Variants in PLPPR1 observed in about 807,000 individuals in gnomAD.
PLPPR1 encodes the protein phospholipid phosphatase-related protein type 1.
A neutral mutation model predicts 33.1 loss-of-function variants in PLPPR1; 10 were observed. The observed-to-expected ratio is 0.30, with a 90% CI of 0.19 to 0.51. The LOEUF is 0.51. Among genes scored for constraint, PLPPR1 ranks in the 20% least tolerant of loss-of-function variants. The pLI, the probability that PLPPR1 is intolerant of heterozygous loss-of-function variation, is 0.97. For synonymous variants in PLPPR1, 151 were observed against 151.0 expected (o/e 1.00, Z 0.00); for missense variants, 304 against 408.1 (o/e 0.74, Z 2.20).
chr9:101,065,650 T>C (rs1830403236), intron 1 of PLPPR1, among the ~76,000 whole-genome samples: 1 of 152,080 alleles, frequency 6.6e-6, no homozygotes, highest in South Asian at 2.1e-4. Context: ...GTGGATAATT[T>C]GTGTTAGAGA....
intron 1 of PLPPR1, among the ~76,000 whole-genome samples, chr9:101,081,130 T>C (rs1313563023): frequency 6.6e-6 from 1 of 152,218 alleles, no homozygotes; most frequent in Non-Finnish European, 1.5e-5. Context: ...CCCATTTTCC[T>C]TTGTGAGTTC....
chr9:101,251,026 C>T (rs1827704312), intron 2 of PLPPR1, among the ~76,000 whole-genome samples: 1 of 152,040 alleles, frequency 6.6e-6, no homozygotes, highest in Non-Finnish European at 1.5e-5. Context: ...GATGACCCCC[C>T]AAATTGTGTC....
chr9:101,073,301 G>A (rs1264504227), intron 1 of PLPPR1, among the ~76,000 whole-genome samples: 1 of 152,144 alleles, frequency 6.6e-6, no homozygotes, highest in African/African-American at 2.4e-5. Context: ...GCTGTGCACA[G>A]CATGTGTTTT....
At chr9:101,236,604 T>C (rs1465117342) in intron 2 of PLPPR1, among the ~76,000 whole-genome samples, 1 of 151,168 alleles carries the variant, frequency 6.6e-6, no homozygotes, top group Non-Finnish European at 1.5e-5. Flanking sequence ...AATGACCATC[T>C]TTTTTTTCCT....
At chr9:101,176,748 G>A (rs539417360) in intron 1 of PLPPR1, among the ~76,000 whole-genome samples, 1 of 152,158 alleles carries the variant, frequency 6.6e-6, no homozygotes, top group Non-Finnish European at 1.5e-5. Context: ...AGCGTCAGGG[G>A]AGTTACAGTA....
intron 2 of PLPPR1, among the ~76,000 whole-genome samples, chr9:101,265,236 T>A (rs7047759): frequency 0.35 from 53,181 of 152,106 alleles, 9,383 homozygotes; most frequent in Admixed American, 0.39. Flanking sequence ...TGAAGCCTCG[T>A]GGAATGATCA....
At chr9:101,197,627 A>T (rs2118740772) in intron 2 of PLPPR1, among the ~76,000 whole-genome samples, 1 of 152,326 alleles carries the variant, frequency 6.6e-6, no homozygotes, top group Non-Finnish European at 1.5e-5. Flanking sequence ...GTGCCTATCA[A>T]GTGTATGCCT....
chr9:101,245,698 C>T (rs1243725855), intron 2 of PLPPR1, among the ~76,000 whole-genome samples: 2 of 151,798 alleles, frequency 1.3e-5, no homozygotes, highest in Non-Finnish European at 2.9e-5. Context: ...TCTGGAACCA[C>T]AAAAAAGTTA....
intron 1 of PLPPR1, among the ~76,000 whole-genome samples, chr9:101,133,905 T>TG (rs1831346761): frequency 6.6e-6 from 1 of 152,228 alleles, no homozygotes; most frequent in Non-Finnish European, 1.5e-5. Context: ...TGCTTAACCT[T>TG]GCTGTGCTTC....
intron 1 of PLPPR1, among the ~76,000 whole-genome samples, chr9:101,182,243 G>A (rs553129772): frequency 3.2e-4 from 48 of 151,656 alleles, no homozygotes; most frequent in African/African-American, 1.2e-3. Flanking sequence ...GCTGGAAGAG[G>A]GGGATGGATG....
At chr9:101,126,313 G>T (rs1831246108) in intron 1 of PLPPR1, among the ~76,000 whole-genome samples, 1 of 152,140 alleles carries the variant, frequency 6.6e-6, no homozygotes. Flanking sequence ...ATTCCTGTAT[G>T]CACAGTGACA....
Position 101,324,153 on chromosome 9 carries a change from A to G in PLPPR1, c.*96A>G. 2 of 1,026,032 alleles carry G rather than the reference A, an allele frequency of 1.9e-6. No homozygotes were observed. Among genetic ancestry groups the G allele is most frequent in the East Asian group, 2.5e-5 (1 of 39,982 alleles). 63.6% of individuals were successfully genotyped at this position (1,026,032 alleles called of 1,614,324 possible). A position where few individuals can be genotyped will look rare whatever the true frequency, so the allele number is the denominator to read the frequency against. ...TCAATGTCAAACTGTGATGACAAAT[A>G]TTACGTTTATCTAGTTAGAAGCTAA... is the stretch of plus-strand genomic sequence containing the variant. On this transcript the variant is annotated 3_prime_UTR_variant, in exon 8 of 8. Transcript: ENST00000374874.
At chr9:101,315,243 CT>C (rs972936946) in intron 6 of PLPPR1, among the ~76,000 whole-genome samples, 17 of 152,194 alleles carry the variant, frequency 1.1e-4, no homozygotes, top group African/African-American at 4.1e-4. Context: ...CCTCTTCCCC[CT>C]ATCGCCTACT....
chr9:101,048,479 A>G (rs1316193081), intron 1 of PLPPR1, among the ~76,000 whole-genome samples: 7 of 152,196 alleles, frequency 4.6e-5, no homozygotes, highest in African/African-American at 4.8e-5. Context: ...ATATATTCCT[A>G]CAAGATATCA....
intron 2 of PLPPR1, among the ~76,000 whole-genome samples, chr9:101,236,868 C>G (rs1827311272): frequency 6.6e-6 from 1 of 151,650 alleles, no homozygotes; most frequent in Non-Finnish European, 1.5e-5. Flanking sequence ...AAGCCTTCTG[C>G]ATAGCAAAAT....
intron 1 of PLPPR1, among the ~76,000 whole-genome samples, chr9:101,056,420 G>A (rs1830278913): frequency 6.6e-6 from 1 of 151,856 alleles, no homozygotes; most frequent in Admixed American, 6.6e-5. Flanking sequence ...ATTTGTTTAG[G>A]TAATTAAAAA....
In PLPPR1 at chr9:101,078,693, A is replaced by G. The variant is rs112677242; in HGVS notation, c.-46+49591A>G. ...GGGCGACAGAGTGACTCCATCTCAA[A>G]ATAAATAAATAAATAAATAAATCTC... is the stretch of plus-strand genomic sequence containing the variant. On this transcript the variant is annotated intron_variant, in intron 1 of 7. Coordinates refer to ENST00000374874, the MANE Select transcript of PLPPR1 (RefSeq NM_207299.2). Among the ~76,000 whole-genome samples the G allele has an allele frequency of 1.2e-3, 177 of 152,060 alleles. 1 individual carries two copies. The highest frequency in any genetic ancestry group is 4.1e-3 in the African/African-American group (169 of 41,428).
chr9:101,251,760 C>T (rs890035393), intron 2 of PLPPR1, among the ~76,000 whole-genome samples: 7 of 152,052 alleles, frequency 4.6e-5, no homozygotes, highest in African/African-American at 9.7e-5. Context: ...GAGAAGAGAA[C>T]GTACTGGCTC....
intron 2 of PLPPR1, among the ~76,000 whole-genome samples, chr9:101,219,718 G>A (rs1826887119): frequency 6.6e-6 from 1 of 152,092 alleles, no homozygotes; most frequent in African/African-American, 2.4e-5. Flanking sequence ...ATACCCACCT[G>A]GACAGTATTT....
Sources: allele counts gnomAD v4.1 joint callset (sites outside exome capture counted in the v4.1 genomes callset), GRCh38; gene constraint gnomAD v4.1.1; transcripts MANE v1.5; gene names NCBI Gene and HGNC (gene_info 2026-07-23, HGNC 2026-07-21).